ILDR1: variants seen among roughly 807,000 people sequenced by gnomAD.
ILDR1 encodes immunoglobulin like domain containing receptor 1.
In ILDR1, 56 loss-of-function variants were observed where a neutral mutation model predicts 62.4. That is an observed-to-expected ratio of 0.90 (90% CI 0.72 to 1.12). ILDR1 has a LOEUF of 1.12. Ranked by LOEUF, ILDR1 falls within the 50% of genes most tolerant of loss-of-function variation. ILDR1 has a pLI of 0.00. For synonymous variants in ILDR1, 284 were observed against 277.8 expected (o/e 1.02, Z -0.22); for missense variants, 736 against 710.6 (o/e 1.04, Z -0.41).
chr3:122,004,250 G>T (rs1265929572), intron 3 of ILDR1, among the ~76,000 whole-genome samples: 1 of 152,092 alleles, frequency 6.6e-6, no homozygotes. Flanking sequence ...ATTGAAATAG[G>T]CTCTGAATTA....
the ILDR1 span, among the ~76,000 whole-genome samples, chr3:122,058,327 A>G: frequency 6.6e-6 from 1 of 152,156 alleles, no homozygotes; most frequent in Non-Finnish European, 1.5e-5. Flanking sequence ...TACCCAGGAC[A>G]AGGCCAGCCT....
intron 4 of ILDR1, 122 bp downstream of exon 4, chr3:122,001,623 A>G: frequency 1.3e-6 from 2 of 1,508,116 alleles, no homozygotes; most frequent in East Asian, 4.5e-5. Context: ...GGAACTTTAG[A>G]GGTTGATAAT....
upstream of ILDR1, chr3:122,022,390 C>T: frequency 3.0e-6 from 1 of 333,812 alleles, no homozygotes; most frequent in Non-Finnish European, 5.4e-6. Flanking sequence ...ACACCGTCCC[C>T]CACCCCGCTG....
At chr3:122,052,457 T>G in the ILDR1 span, among the ~76,000 whole-genome samples, 4 of 152,220 alleles carry the variant, frequency 2.6e-5, no homozygotes, top group Non-Finnish European at 5.9e-5. Context: ...AGTATTTTTT[T>G]GTTCTCAGTG....
At chr3:121,988,433 C>A (rs1027442631) in intron 7 of ILDR1, 25 bp from the exon 8 acceptor site, 19 of 1,600,738 alleles carry the variant, frequency 1.2e-5, no homozygotes, top group East Asian at 6.7e-5. Flanking sequence ...AATACACACA[C>A]AAAAAAAATC....
the ILDR1 span, among the ~76,000 whole-genome samples, chr3:122,046,293 T>C: frequency 2.7e-5 from 4 of 150,280 alleles, no homozygotes; most frequent in Admixed American, 6.6e-5. Flanking sequence ...GATCCGCTGT[T>C]AGTCTGATGG....
At chr3:122,002,361 T>C (rs1187286180) in intron 3 of ILDR1, among the ~76,000 whole-genome samples, 2 of 152,152 alleles carry the variant, frequency 1.3e-5, no homozygotes, top group East Asian at 3.8e-4. Context: ...GCTGGTACTC[T>C]TAACCACCAA....
chr3:122,007,268 G>A, intron 1 of ILDR1, 107 bp from the exon 2 acceptor site: 2 of 1,564,752 alleles, frequency 1.3e-6, no homozygotes, highest in Non-Finnish European at 1.7e-6. Flanking sequence ...TGCCTGACCT[G>A]GCTAGGAGCT....
Position 121,996,579 on chromosome 3 carries a change from C to T in ILDR1, c.647-2266G>A, listed in dbSNP as rs1167686051. ...TCAGATAGGCAATAAAAGTAGGAAA[C>T]CTGGATAAGGCAACAAAGCTGCAAA... On this transcript the variant is annotated intron_variant, in intron 5 of 7. Coordinates refer to ENST00000344209, the MANE Select transcript of ILDR1 (RefSeq NM_001199799.2). Among the ~76,000 whole-genome samples, 4 of 152,256 alleles carry T rather than the reference C, an allele frequency of 2.6e-5. No individual in the cohort carries two copies. In the South Asian group the frequency reaches 8.3e-4, roughly 32 times the overall value.
chr3:122,051,977 A>G, the ILDR1 span, among the ~76,000 whole-genome samples: 1 of 152,094 alleles, frequency 6.6e-6, no homozygotes, highest in African/African-American at 2.4e-5. Flanking sequence ...TGTGTCCTCC[A>G]AAGTAGCAGC....
chr3:122,030,722 G>A, the ILDR1 span, among the ~76,000 whole-genome samples: 2 of 151,598 alleles, frequency 1.3e-5, no homozygotes, highest in Non-Finnish European at 2.9e-5. Context: ...AAATTATGAG[G>A]TCAGTCCACA....
chr3:122,034,642 T>C, the ILDR1 span, among the ~76,000 whole-genome samples: 2 of 152,148 alleles, frequency 1.3e-5, no homozygotes, highest in Non-Finnish European at 1.5e-5. Context: ...GGTTTTTTGT[T>C]GTTGTTGTTG....
chr3:122,057,033 A>T, the ILDR1 span, among the ~76,000 whole-genome samples: 1 of 151,372 alleles, frequency 6.6e-6, no homozygotes, highest in Non-Finnish European at 1.5e-5. Context: ...ACAAATTAAA[A>T]CAACAGTGAA....
chr3:122,047,868 C>A, the ILDR1 span, among the ~76,000 whole-genome samples: 2 of 152,190 alleles, frequency 1.3e-5, no homozygotes, highest in Admixed American at 1.3e-4. Context: ...AGAAATCACC[C>A]GTCTTCTGCG....
At chr3:122,006,537 G>A (rs1045489685) in intron 2 of ILDR1, among the ~76,000 whole-genome samples, 10 of 152,040 alleles carry the variant, frequency 6.6e-5, no homozygotes, top group African/African-American at 1.9e-4. Flanking sequence ...CCATCTTCCC[G>A]AAGGCATACT....
chr3:122,029,438 C>A, the ILDR1 span, among the ~76,000 whole-genome samples: 1 of 150,916 alleles, frequency 6.6e-6, no homozygotes, highest in Admixed American at 6.6e-5. Flanking sequence ...ACCAAGGTAG[C>A]GGAGTTTGCA....
the ILDR1 span, among the ~76,000 whole-genome samples, chr3:122,037,292 G>A: frequency 1.3e-5 from 2 of 152,166 alleles, no homozygotes; most frequent in African/African-American, 4.8e-5. Context: ...AAAGCCTCAG[G>A]CACTCAACAC....
chr3:121,998,847 C>T (rs2071475488), intron 5 of ILDR1, among the ~76,000 whole-genome samples: 2 of 152,190 alleles, frequency 1.3e-5, no homozygotes, highest in Admixed American at 1.3e-4. Context: ...CAGTGATCCA[C>T]CTACAGAGGC....
intron 1 of ILDR1, among the ~76,000 whole-genome samples, chr3:122,008,257 C>T (rs1355116743): frequency 1.3e-5 from 2 of 152,220 alleles, no homozygotes; most frequent in African/African-American, 4.8e-5. Flanking sequence ...ACCCTCCAAA[C>T]CTACAGGCAT....
Sources: gnomAD v4.1 joint callset for allele counts (sites outside exome capture counted in the v4.1 genomes callset) on GRCh38, gnomAD v4.1.1 for gene constraint, MANE v1.5 for transcripts, NCBI Gene and HGNC (gene_info 2026-07-23, HGNC 2026-07-21) for gene names.